Variants in THAP2 observed in about 807,000 individuals in gnomAD.
The protein encoded by THAP2 is THAP domain containing 2.
THAP2 carries 16 observed loss-of-function variants against 18.8 expected under a neutral mutation model. That is an observed-to-expected ratio of 0.85 (90% CI 0.58 to 1.29). The LOEUF (loss-of-function observed/expected upper bound fraction) is 1.29. Among genes scored for constraint, THAP2 ranks in the 50% most tolerant of loss-of-function variants. THAP2 has a pLI of 0.00. For synonymous variants in THAP2, 80 were observed against 89.2 expected, an observed-to-expected ratio of 0.90 and a Z score of 0.58; for missense variants, 251 against 265.3, an observed-to-expected ratio of 0.95 and a Z score of 0.38.
In THAP2 at chr12:71,677,263, T is replaced by C; in HGVS notation, c.*155T>C. The C allele has an allele frequency of 1.4e-6, 1 of 707,354 alleles. No homozygotes were observed. Among genetic ancestry groups the C allele is most frequent in the Non-Finnish European group, 2.0e-6 (1 of 497,226 alleles). 43.8% of individuals were successfully genotyped at this position (707,354 alleles called of 1,614,324 possible). A position where few individuals can be genotyped will look rare whatever the true frequency, so the allele number is the denominator to read the frequency against. ...CTTGATTACAAAAGAATAAAAAACT[T>C]CATATGGAAATTTTATTTGAAAATG... On this transcript the variant is annotated 3_prime_UTR_variant, in exon 3 of 3. Coordinates refer to ENST00000308086, the MANE Select transcript of THAP2 (RefSeq NM_031435.4).
At position 71,676,131 on chromosome 12, in the gene THAP2, T is replaced by C. The variant is rs1045435378; in HGVS notation, c.268-558T>C. On this transcript the variant is annotated intron_variant, in intron 2 of 2. Coordinates refer to ENST00000308086, the MANE Select transcript of THAP2 (RefSeq NM_031435.4). The stretch of plus-strand genomic sequence containing the variant: ...AAAAGCAAAAAAAGTCTCCTGATTT[T>C]GGCAAATGTTCCTAGCCAGATTTTA... 1.1e-4 allele frequency among the ~76,000 whole-genome samples: 17 copies of C among 152,192 alleles called. 1 individual carries two copies. Among genetic ancestry groups the C allele is most frequent in the Admixed American group, 7.2e-4 (11 of 15,282 alleles).
chr12:71,676,232 A>G (rs1353726023), intron 2 of THAP2, among the ~76,000 whole-genome samples: 1 of 152,134 alleles, frequency 6.6e-6, no homozygotes, highest in East Asian at 1.9e-4. Context: ...ATACATTTCT[A>G]CAGATCCTTC....
At chr12:71,668,381 G>A (rs1370672993) in intron 1 of THAP2, among the ~76,000 whole-genome samples, 2 of 152,214 alleles carry the variant, frequency 1.3e-5, no homozygotes, top group African/African-American at 4.8e-5. Flanking sequence ...AGCATGTACT[G>A]TGCACTGGGC....
intron 1 of THAP2, among the ~76,000 whole-genome samples, chr12:71,669,888 C>G (rs1881404234): frequency 1.4e-5 from 2 of 146,634 alleles, no homozygotes; most frequent in South Asian, 4.4e-4. Context: ...ACCTGGGAGG[C>G]AGAGGTTGCA....
chr12:71,665,935 T>C (rs1227929164), intron 1 of THAP2, among the ~76,000 whole-genome samples: 1 of 152,232 alleles, frequency 6.6e-6, no homozygotes, highest in Non-Finnish European at 1.5e-5. Flanking sequence ...TACCTATTTT[T>C]TTCCTTCACA....
At chr12:71,676,327 T>C (rs1469879841) in intron 2 of THAP2, among the ~76,000 whole-genome samples, 3 of 152,096 alleles carry the variant, frequency 2.0e-5, no homozygotes, top group Admixed American at 2.0e-4. Context: ...CAAATTAATA[T>C]CATAAATAAT....
At chr12:71,675,138 G>A (rs1433811674) in intron 2 of THAP2, among the ~76,000 whole-genome samples, 2 of 152,038 alleles carry the variant, frequency 1.3e-5, no homozygotes, top group African/African-American at 4.8e-5. Flanking sequence ...GTAAGAAAGG[G>A]TAAAATGAAC....
At position 71,676,754 on chromosome 12, in the gene THAP2, A is replaced by T; in HGVS notation, c.333A>T (p.Leu111Phe). ...GTTCTCCAGCTGGACCATCTAATTTAAAATCAAACATTAGTAGTCAGCAAG... is the reference window on the plus strand; with the variant it reads ...GTTCTCCAGCTGGACCATCTAATTTTAAATCAAACATTAGTAGTCAGCAAG... Reference protein sequence around the residue: ...NSCSPAGPSNLKSNISSQQVL... With the variant: ...NSCSPAGPSNFKSNISSQQVL... Residue 111 changes from leucine to phenylalanine, a missense_variant, in exon 3 of 3, where the codon TTA (leucine) becomes TTT (phenylalanine). Leu to Phe is a conservative substitution (Grantham distance 22). Transcript: ENST00000308086. 6.2e-7 allele frequency: 1 copy of T among 1,609,182 alleles called. No individual in the cohort carries two copies. Among genetic ancestry groups the T allele is most frequent in the African/African-American group, 1.3e-5 (1 of 74,766 alleles).
intron 1 of THAP2, among the ~76,000 whole-genome samples, chr12:71,667,090 T>C (rs562465507): frequency 2.6e-5 from 4 of 152,312 alleles, no homozygotes; most frequent in East Asian, 3.9e-4. Flanking sequence ...ACTGTCTCTA[T>C]CTTTCTTACC....
At position 71,679,846 on chromosome 12, in the gene THAP2, A is replaced by G. The variant is rs1423412551; in HGVS notation, c.*2738A>G. The G allele has an allele frequency of 6.6e-6, 1 of 152,206 alleles. No individual in the cohort carries two copies. The highest frequency in any genetic ancestry group is 2.4e-5 in the African/African-American group (1 of 41,468). 9.4% of individuals were successfully genotyped at this position (152,206 alleles called of 1,614,324 possible). On this transcript the variant is annotated 3_prime_UTR_variant, in exon 3 of 3. Transcript: ENST00000308086. Reference sequence around the variant, plus strand: ...TTGACTTAGCAAAGGAGGTACAAGGACATTGGCATTTGACCTGAATTATGG... The same window carrying G: ...TTGACTTAGCAAAGGAGGTACAAGGGCATTGGCATTTGACCTGAATTATGG...
At position 71,678,659 on chromosome 12, in the gene THAP2, A is replaced by G. The variant is rs1030629775; in HGVS notation, c.*1551A>G. On this transcript the variant is annotated 3_prime_UTR_variant, in exon 3 of 3. Coordinates refer to ENST00000308086, the MANE Select transcript of THAP2 (RefSeq NM_031435.4). The stretch of plus-strand genomic sequence containing the variant: ...TTTCCTGTAAAGTAATAGCTACTTC[A>G]TGATTTTTTTAAAAATTTCATTTTT... 6.6e-6 allele frequency: 1 copy of G among 151,590 alleles called. No individual in the cohort carries two copies. Among genetic ancestry groups the G allele is most frequent in the African/African-American group, 2.4e-5 (1 of 40,880 alleles). 9.4% of individuals were successfully genotyped at this position (151,590 alleles called of 1,614,324 possible).
At chr12:71,673,517 A>T (rs1881475054) in intron 1 of THAP2, among the ~76,000 whole-genome samples, 1 of 152,184 alleles carries the variant, frequency 6.6e-6, no homozygotes, top group Admixed American at 6.5e-5. Flanking sequence ...ACATAATTAA[A>T]GAGTTGACTT....
Position 71,664,478 on chromosome 12 carries a change from A to C in THAP2, c.-32A>C. 6.2e-7 allele frequency: 1 copy of C among 1,613,604 alleles called. No homozygotes were observed. Among genetic ancestry groups the C allele is most frequent in the Non-Finnish European group, 8.5e-7 (1 of 1,179,614 alleles). ...CTTAGCAGCCAGCGCCTCAGTAGAG[A>C]CCTAAGGGCGCTGAATGAGTGGGAA... On this transcript the variant is annotated 5_prime_UTR_variant, in exon 1 of 3. Coordinates refer to ENST00000308086, the MANE Select transcript of THAP2 (RefSeq NM_031435.4).
At chr12:71,666,726 CTT>C (rs985818928) in intron 1 of THAP2, among the ~76,000 whole-genome samples, 1 of 151,738 alleles carries the variant, frequency 6.6e-6, no homozygotes, top group African/African-American at 2.4e-5. Context: ...CATTAGTAGA[CTT>C]TTTTTTCTTT....
intron 1 of THAP2, chr12:71,665,108 A>G (rs1002894430): frequency 3.3e-6 from 2 of 613,066 alleles, no homozygotes; most frequent in Non-Finnish European, 5.8e-6. Flanking sequence ...TTCTGTTCTT[A>G]CTAGAATAGA....
chr12:71,664,760 CT>C, intron 1 of THAP2, 180 bp downstream of exon 1: 1 of 774,768 alleles, frequency 1.3e-6, no homozygotes, highest in Non-Finnish European at 2.2e-6. Context: ...TTCGGGGAAG[CT>C]TTACTCATTT....
At chr12:71,669,501 AGT>A (rs759917603) in intron 1 of THAP2, among the ~76,000 whole-genome samples, 5 of 152,200 alleles carry the variant, frequency 3.3e-5, no homozygotes, top group Non-Finnish European at 7.3e-5. Flanking sequence ...ACTTATTCTG[AGT>A]CTCTATTGAG....
At chr12:71,674,626 C>T (rs1009683171) in intron 2 of THAP2, among the ~76,000 whole-genome samples, 4 of 151,956 alleles carry the variant, frequency 2.6e-5, no homozygotes, top group African/African-American at 9.7e-5. Context: ...ACATTATTAC[C>T]CATTATTATT....
At chr12:71,665,103 TTC>T (rs1881310065) in intron 1 of THAP2, 1 of 632,184 alleles carries the variant, frequency 1.6e-6, no homozygotes, top group Non-Finnish European at 2.8e-6. Flanking sequence ...AACCTTTCTG[TTC>T]TTACTAGAAT....
Sources: gnomAD v4.1 joint callset for allele counts (sites outside exome capture counted in the v4.1 genomes callset) on GRCh38, gnomAD v4.1.1 for gene constraint, MANE v1.5 for transcripts, NCBI Gene and HGNC (gene_info 2026-07-23, HGNC 2026-07-21) for gene names.